Variants in ERG observed in about 807,000 individuals in gnomAD.
ERG encodes the protein ETS transcription factor ERG.
In ERG, 9 loss-of-function variants were observed where a neutral mutation model predicts 55.3. The ratio of observed to expected loss-of-function variants is 0.16; its 90% confidence interval spans 0.10 to 0.28. The LOEUF (loss-of-function observed/expected upper bound fraction) is 0.28. Ranked by LOEUF, ERG falls within the 10% of genes least tolerant of loss-of-function variation. ERG has a pLI of 1.00. For synonymous variants in ERG, 223 were observed against 237.3 expected, an observed-to-expected ratio of 0.94 and a Z score of 0.55; for missense variants, 434 against 631.6, an observed-to-expected ratio of 0.69 and a Z score of 3.35.
intron 1 of ERG, among the ~76,000 whole-genome samples, chr21:38,604,587 C>T (rs942769445): frequency 2.6e-5 from 4 of 152,200 alleles, no homozygotes; most frequent in African/African-American, 4.8e-5. Flanking sequence ...AAATTACCTA[C>T]CAAAGCATAA....
intron 1 of ERG, among the ~76,000 whole-genome samples, chr21:38,478,481 G>A (rs2059209029): frequency 6.6e-6 from 1 of 152,104 alleles, no homozygotes; most frequent in South Asian, 2.1e-4. Context: ...TTGAGGTGAG[G>A]TGAAGATGGG....
At chr21:38,393,185 TTG>T (rs1988055850) in intron 6 of ERG, among the ~76,000 whole-genome samples, 1 of 152,244 alleles carries the variant, frequency 6.6e-6, no homozygotes, top group African/African-American at 2.4e-5. Context: ...AAACATTTCT[TTG>T]TATTTATAAA....
intron 1 of ERG, among the ~76,000 whole-genome samples, chr21:38,488,310 C>G (rs1195186832): frequency 6.6e-6 from 1 of 152,154 alleles, no homozygotes; most frequent in East Asian, 1.9e-4. Context: ...CTGGGTGGAG[C>G]TGTGGGTTTC....
intron 3 of ERG, among the ~76,000 whole-genome samples, chr21:38,419,001 G>A (rs898087749): frequency 6.6e-5 from 10 of 151,144 alleles, no homozygotes; most frequent in Admixed American, 4.0e-4. Flanking sequence ...AATTAAGCTC[G>A]GCCAAAAAAG....
rs536331313 is a variant in ERG, at chr21:38,573,610, T to A, written c.-41+2052A>T. 4.7e-3 allele frequency among the ~76,000 whole-genome samples: 712 copies of A among 152,308 alleles called. 5 individuals carry two copies. Among genetic ancestry groups the A allele is most frequent in the East Asian group, 0.015 (79 of 5,186 alleles). On this transcript the variant is annotated intron_variant, in intron 2 of 8. Coordinates refer to the ERG transcript ENST00000398897. ...TGAACTTAATTATGACATAGATTCT[T>A]TTGCTCACATGTTTTTTGCTGACCT...
At chr21:38,584,058 T>C (rs965911303) in intron 1 of ERG, among the ~76,000 whole-genome samples, 7 of 152,226 alleles carry the variant, frequency 4.6e-5, no homozygotes, top group African/African-American at 1.4e-4. Context: ...CACATCCATT[T>C]TAATTGTACC....
the ERG span, among the ~76,000 whole-genome samples, chr21:38,373,357 A>G: frequency 1.3e-5 from 2 of 152,234 alleles, no homozygotes; most frequent in Non-Finnish European, 2.9e-5. Flanking sequence ...GAGAAGTTCA[A>G]TTTAAACTAC....
intron 1 of ERG, among the ~76,000 whole-genome samples, chr21:38,469,563 T>A (rs1477744111): frequency 1.3e-5 from 2 of 152,236 alleles, no homozygotes; most frequent in African/African-American, 4.8e-5. Context: ...TGCTTTGGGC[T>A]ATTCTCCTTC....
intron 2 of ERG, among the ~76,000 whole-genome samples, chr21:38,544,204 GT>G (rs2059773575): frequency 6.6e-6 from 1 of 152,220 alleles, no homozygotes; most frequent in Non-Finnish European, 1.5e-5. Context: ...GAATGTTTGT[GT>G]GGGCAGAGCA....
chr21:38,561,849 A>G (rs1273104556), intron 2 of ERG, among the ~76,000 whole-genome samples: 2 of 152,254 alleles, frequency 1.3e-5, no homozygotes, highest in Non-Finnish European at 2.9e-5. Flanking sequence ...CAGAAAATCT[A>G]CAAAGAATCA....
At chr21:38,379,902 T>C (rs1371879318), downstream of ERG, 1 of 435,314 alleles carries the variant, frequency 2.3e-6, no homozygotes, top group Non-Finnish European at 3.1e-6. Flanking sequence ...TACTCTCATG[T>C]TGCCCAGGCT....
intron 1 of ERG, among the ~76,000 whole-genome samples, chr21:38,487,458 G>A (rs1157763122): frequency 6.6e-6 from 1 of 152,106 alleles, no homozygotes; most frequent in Non-Finnish European, 1.5e-5. Flanking sequence ...ACAGGCTAAA[G>A]AAAATAAAAT....
chr21:38,376,549 GA>G (rs2146400041), downstream of ERG, among the ~76,000 whole-genome samples: 1 of 152,368 alleles, frequency 6.6e-6, no homozygotes, highest in African/African-American at 2.4e-5. Flanking sequence ...TTCCTACTAG[GA>G]AAGGGACGTT....
At chr21:38,395,226 C>A (rs942840119) in intron 6 of ERG, 1 of 228,128 alleles carries the variant, frequency 4.4e-6, no homozygotes, top group Non-Finnish European at 8.7e-6. Context: ...CACTAAGTAT[C>A]CCCCTGTGGG....
At chr21:38,551,367 G>A (rs930820265) in intron 2 of ERG, among the ~76,000 whole-genome samples, 2 of 151,806 alleles carry the variant, frequency 1.3e-5, no homozygotes, top group Admixed American at 6.6e-5. Context: ...CCCGATTTTG[G>A]TTATTTCTTT....
chr21:38,519,409 A>G (rs924841352), intron 2 of ERG, among the ~76,000 whole-genome samples: 1 of 152,210 alleles, frequency 6.6e-6, no homozygotes, highest in Non-Finnish European at 1.5e-5. Flanking sequence ...AGCTGTGAAC[A>G]CAGGAGAGGA....
At chr21:38,376,147 A>G (rs148212297), downstream of ERG, among the ~76,000 whole-genome samples, 4 of 152,296 alleles carry the variant, frequency 2.6e-5, no homozygotes, top group African/African-American at 9.6e-5. Flanking sequence ...TTGGTTTAAA[A>G]TCCAGTGACC....
chr21:38,443,787 T>G (rs1030665836), intron 2 of ERG, among the ~76,000 whole-genome samples: 22 of 151,990 alleles, frequency 1.4e-4, no homozygotes, highest in African/African-American at 5.1e-4. Context: ...AATATTTACA[T>G]GTAATCATTA....
chr21:38,519,608 A>C (rs2059578828), intron 2 of ERG, among the ~76,000 whole-genome samples: 2 of 152,358 alleles, frequency 1.3e-5, no homozygotes, highest in Non-Finnish European at 2.9e-5. Flanking sequence ...TGTAGTCGAC[A>C]GAAGTCAAAC....
Sources: gnomAD v4.1 joint callset for allele counts (sites outside exome capture counted in the v4.1 genomes callset) on GRCh38, gnomAD v4.1.1 for gene constraint, MANE v1.5 for transcripts, NCBI Gene and HGNC (gene_info 2026-07-23, HGNC 2026-07-21) for gene names.